Variants in RHOBTB1 observed in about 807,000 individuals in gnomAD.
RHOBTB1 encodes the protein Rho related BTB domain containing 1.
A neutral mutation model predicts 71.6 loss-of-function variants in RHOBTB1; 40 were observed. The ratio of observed to expected loss-of-function variants is 0.56; its 90% CI spans 0.43 to 0.73. The LOEUF (loss-of-function observed/expected upper bound fraction) is 0.73. Ranked by LOEUF, RHOBTB1 falls within the 30% of genes least tolerant of loss-of-function variation. The pLI, the probability that RHOBTB1 is intolerant of heterozygous loss-of-function variation, is 0.00. For synonymous variants in RHOBTB1, 319 were observed against 334.9 expected, an observed-to-expected ratio of 0.95 and a Z score of 0.52; for missense variants, 797 against 894.0, an observed-to-expected ratio of 0.89 and a Z score of 1.38.
intron 2 of RHOBTB1, among the ~76,000 whole-genome samples, chr10:60,966,723 A>G (rs1270029022): frequency 6.6e-6 from 1 of 150,648 alleles, no homozygotes; most frequent in Non-Finnish European, 1.5e-5. Context: ...GTTCTAGGGT[A>G]CATGTGCACA....
intron 2 of RHOBTB1, among the ~76,000 whole-genome samples, chr10:60,959,495 A>G (rs539547533): frequency 6.6e-6 from 1 of 152,198 alleles, no homozygotes; most frequent in Non-Finnish European, 1.5e-5. Flanking sequence ...ATTGCTCTAC[A>G]CATCACAGGC....
chr10:60,886,727 T>TG (rs34693835), intron 6 of RHOBTB1, among the ~76,000 whole-genome samples: 3 of 142,702 alleles, frequency 2.1e-5, no homozygotes, highest in African/African-American at 7.7e-5. Context: ...TGGGGGGGGG[T>TG]GGGTCTGGCT....
chr10:60,910,808 G>A, intron 4 of RHOBTB1, 79 bp downstream of exon 4: 1 of 1,041,442 alleles, frequency 9.6e-7, no homozygotes, highest in Non-Finnish European at 1.5e-6. Flanking sequence ...TGTGGTTTTT[G>A]TTGATTTGTA....
In RHOBTB1 at chr10:60,911,713, A is replaced by G. The variant is rs558921558; in HGVS notation, c.-10-161T>C. ...GAAGTTCGTACTAAGCCTAATTGAC[A>G]CTCAAGTTTTCTTTTTATATCTCAC... On this transcript the variant is annotated intron_variant, in intron 2 of 10. Coordinates refer to ENST00000337910, the MANE Select transcript of RHOBTB1 (RefSeq NM_014836.5). Among the ~76,000 whole-genome samples the G allele has an allele frequency of 6.6e-5, 10 of 152,232 alleles. No homozygotes were observed. In the East Asian group the frequency reaches 1.9e-3, roughly 29 times the overall value.
At chr10:60,986,310 A>G (rs1213378158) in intron 1 of RHOBTB1, among the ~76,000 whole-genome samples, 1 of 151,478 alleles carries the variant, frequency 6.6e-6, no homozygotes, top group Non-Finnish European at 1.5e-5. Flanking sequence ...AAAGGAATTT[A>G]GTTAACAGTA....
intron 2 of RHOBTB1, among the ~76,000 whole-genome samples, chr10:60,940,867 C>T (rs998698840): frequency 4.6e-5 from 7 of 152,128 alleles, no homozygotes; most frequent in Admixed American, 6.5e-5. Flanking sequence ...CCAATTCAGC[C>T]TTCTGGCAAG....
chr10:60,937,770 C>G (rs2084674021), intron 2 of RHOBTB1, among the ~76,000 whole-genome samples: 1 of 152,154 alleles, frequency 6.6e-6, no homozygotes, highest in Admixed American at 6.5e-5. Context: ...CTTAAAATAT[C>G]AGAATTCAAA....
chr10:60,912,556 C>T (rs2083048682), intron 2 of RHOBTB1, among the ~76,000 whole-genome samples: 1 of 152,046 alleles, frequency 6.6e-6, no homozygotes, highest in Admixed American at 6.6e-5. Flanking sequence ...TCTTGAGGGC[C>T]CACAATAAAG....
intron 2 of RHOBTB1, among the ~76,000 whole-genome samples, chr10:60,978,046 G>A (rs2086372381): frequency 6.6e-6 from 1 of 152,136 alleles, no homozygotes; most frequent in Admixed American, 6.6e-5. Context: ...GAGGAAAAAT[G>A]TATAAAATTA....
chr10:60,938,547 T>G (rs1296396110), intron 2 of RHOBTB1, among the ~76,000 whole-genome samples: 1 of 152,210 alleles, frequency 6.6e-6, no homozygotes, highest in Non-Finnish European at 1.5e-5. Flanking sequence ...TGTGACAACT[T>G]CCATCAAAAT....
rs1474337067 is a variant in RHOBTB1 at position 60,910,794 on chromosome 10, A to G, written c.296+93T>C. ...AGAACCCAGCACATTTCAAGGCCAT[A>G]TGATGTGGTTTTTGTTGATTTGTAA... On this transcript the variant is annotated intron_variant, in intron 4 of 10. Transcript: ENST00000337910. 5.8e-6 allele frequency: 5 copies of G among 858,362 alleles called. No homozygotes were observed. In the African/African-American group the frequency reaches 6.6e-5, roughly 11 times the overall value. 53.2% of individuals were successfully genotyped at this position (858,362 alleles called of 1,614,324 possible).
chr10:60,995,893 T>C (rs1389079439), intron 1 of RHOBTB1, among the ~76,000 whole-genome samples: 1 of 152,176 alleles, frequency 6.6e-6, no homozygotes, highest in Non-Finnish European at 1.5e-5. Context: ...TTGCCTTTCT[T>C]GAACAATATT....
rs1414057216 is a variant in RHOBTB1, at chr10:60,889,134, T to C, written c.534A>G (p.Ala178=). The part of the protein sequence containing the change: ...ILPPEKGREV[A]KELGLPYYET... ...CATAGTATGGTAAGCCAAGTTCCTT[T>C]GCTACCTCTCGGCCTTTTTCTGGGG... Residue 178 remains alanine (A), a synonymous_variant, in exon 6 of 11, where the codon GCA becomes GCG. Coordinates refer to ENST00000337910, the MANE Select transcript of RHOBTB1 (RefSeq NM_014836.5). 5.6e-6 allele frequency: 9 copies of C among 1,613,978 alleles called. No homozygotes were observed. The highest frequency in any genetic ancestry group is 7.6e-6 in the Non-Finnish European group (9 of 1,179,908).
chr10:60,930,114 T>C (rs951612912), intron 2 of RHOBTB1, among the ~76,000 whole-genome samples: 2 of 152,212 alleles, frequency 1.3e-5, no homozygotes, highest in African/African-American at 4.8e-5. Flanking sequence ...TATATCCATC[T>C]AAGGTAACAA....
intron 2 of RHOBTB1, among the ~76,000 whole-genome samples, chr10:60,956,698 C>T (rs2085606099): frequency 6.6e-6 from 1 of 150,994 alleles, no homozygotes; most frequent in Non-Finnish European, 1.5e-5. Flanking sequence ...CACAAACACA[C>T]ACATTAGCCT....
intron 1 of RHOBTB1, among the ~76,000 whole-genome samples, chr10:60,986,452 T>C (rs992569735): frequency 3.5e-5 from 5 of 140,922 alleles, no homozygotes; most frequent in African/African-American, 1.4e-4. Flanking sequence ...AGGCCATATA[T>C]ACTGGTCAAC....
Position 60,886,244 on chromosome 10 carries a change from G to A in RHOBTB1, c.1457-14C>T. On this transcript the variant is annotated splice_polypyrimidine_tract_variant and intron_variant, in intron 6 of 10. Transcript: ENST00000337910. ...TAAATGTCACGTCTGCCAAGGGATT[G>A]AGGAAACACAACCATGAGCCAACTT... The A allele has an allele frequency of 6.2e-7, 1 of 1,605,276 alleles. No homozygotes were observed. Among genetic ancestry groups the A allele is most frequent in the Non-Finnish European group, 8.5e-7 (1 of 1,172,254 alleles).
At chr10:60,905,179 G>GGT (rs2082603820) in intron 4 of RHOBTB1, among the ~76,000 whole-genome samples, 1 of 151,462 alleles carries the variant, frequency 6.6e-6, no homozygotes, top group Admixed American at 6.6e-5. Context: ...GGCTGGGCAT[G>GGT]GTAGCTCATG....
chr10:60,983,127 T>C (rs1218389423), intron 2 of RHOBTB1, among the ~76,000 whole-genome samples: 1 of 152,182 alleles, frequency 6.6e-6, no homozygotes, highest in Non-Finnish European at 1.5e-5. Flanking sequence ...GGAGGAATAT[T>C]ATGTTGGGAA....
Sources: allele counts gnomAD v4.1 joint callset (sites outside exome capture counted in the v4.1 genomes callset), GRCh38; gene constraint gnomAD v4.1.1; transcripts MANE v1.5; gene names NCBI Gene and HGNC (gene_info 2026-07-23, HGNC 2026-07-21).